The following USP39 variants were observed in gnomAD, a reference collection of about 807,000 sequenced individuals.
The protein encoded by USP39 is ubiquitin carboxyl-terminal hydrolase 39.
In USP39, 38 loss-of-function variants were observed where a neutral mutation model predicts 66.4. The ratio of observed to expected loss-of-function variants is 0.57; its 90% CI spans 0.44 to 0.75. The LOEUF (loss-of-function observed/expected upper bound fraction) is 0.75. Among genes scored for constraint, USP39 ranks in the 30% least tolerant of loss-of-function variants. The pLI, the probability that USP39 is intolerant of heterozygous loss-of-function variation, is 0.00. For missense variants in USP39, 608 were observed against 714.4 expected (o/e 0.85, Z 1.70); for synonymous variants, 303 against 274.6 (o/e 1.10, Z -1.02).
chr2:85,638,698 C>T (rs529259046), intron 8 of USP39, among the ~76,000 whole-genome samples: 13 of 151,964 alleles, frequency 8.6e-5, no homozygotes, highest in Non-Finnish European at 1.9e-4. Flanking sequence ...CCACCACGCC[C>T]GGCTTATTTT....
upstream of USP39, chr2:85,607,610 C>T (rs1466949150): frequency 2.0e-5 from 3 of 152,164 alleles, no homozygotes; most frequent in Non-Finnish European, 4.4e-5. Flanking sequence ...GAAGTAGCTA[C>T]CTTGCAGGAT....
In USP39 at chr2:85,626,863, G is replaced by T. The variant is rs557513114; in HGVS notation, c.723+1172G>T. On this transcript the variant is annotated intron_variant, in intron 5 of 12. Coordinates refer to ENST00000323701, the MANE Select transcript of USP39 (RefSeq NM_006590.4). ...CTCCCGAGTAGCTGGGATTACAGGC[G>T]CCTGCCACTGTGCCTGGCTAAGTTT... 3.8e-3 allele frequency among the ~76,000 whole-genome samples: 575 copies of T among 151,904 alleles called. 5 individuals carry two copies. Among genetic ancestry groups the T allele is most frequent in the African/African-American group, 0.013 (557 of 41,436 alleles).
At chr2:85,624,565 A>G (rs1674707280) in intron 4 of USP39, among the ~76,000 whole-genome samples, 1 of 152,128 alleles carries the variant, frequency 6.6e-6, no homozygotes, top group African/African-American at 2.4e-5. Context: ...TAAGTTGTTC[A>G]TGCTCTGTTT....
In USP39 at chr2:85,630,785, A is replaced by G. The variant is rs762147072; in HGVS notation, c.788A>G (p.Lys263Arg). Residue 263 changes from lysine (K) to arginine (R), a missense_variant, in exon 6 of 13, where the codon AAA becomes AGA. Coordinates refer to ENST00000323701, the MANE Select transcript of USP39 (RefSeq NM_006590.4). ...GAAGAAGACAATTATAAGAACATCA[A>G]ACGTCCTCCAGGGGATATCATGTTC... ...FLEEDNYKNI[K>R]RPPGDIMFLL... 29 of 1,614,048 alleles carry G rather than the reference A, an allele frequency of 1.8e-5. No homozygotes were observed. The highest frequency in any genetic ancestry group is 1.6e-4 in the Middle Eastern group (1 of 6,084).
At chr2:85,647,794 CTCT>C (rs1457582708) in intron 11 of USP39, 133 bp from the exon 12 acceptor site, 5 of 672,132 alleles carry the variant, frequency 7.4e-6, no homozygotes, top group Non-Finnish European at 1.2e-5. Context: ...GTCATGTACC[CTCT>C]TCTTTATGAC....
Position 85,648,817 on chromosome 2 carries a change from T to G in USP39, c.*9T>G, listed in dbSNP as rs762631437. The G allele has an allele frequency of 3.7e-6, 6 of 1,614,036 alleles. No individual in the cohort carries two copies. In the South Asian group the frequency reaches 6.6e-5, roughly 18 times the overall value. On this transcript the variant is annotated 3_prime_UTR_variant, in exon 13 of 13. Coordinates refer to ENST00000323701, the MANE Select transcript of USP39 (RefSeq NM_006590.4). ...ACCAGCAGGGGGCTTGAAGGAGGCG[T>G]CTAGGGCTTTGCTCCCAAGGGCTGT... is the stretch of plus-strand genomic sequence containing the variant.
intron 5 of USP39, among the ~76,000 whole-genome samples, chr2:85,627,477 C>G (rs1674962279): frequency 5.3e-5 from 8 of 151,716 alleles, no homozygotes; most frequent in African/African-American, 1.9e-4. Context: ...TAAACACAGG[C>G]TTATTGGGGA....
intron 4 of USP39, 67 bp downstream of exon 4, chr2:85,623,849 C>G: frequency 1.3e-6 from 2 of 1,495,420 alleles, no homozygotes; most frequent in Admixed American, 2.1e-5. Flanking sequence ...TCCCAGGGGA[C>G]TGCCCCACCT....
upstream of USP39, chr2:85,611,975 C>T: frequency 1.3e-6 from 2 of 1,541,210 alleles, no homozygotes; most frequent in Non-Finnish European, 1.7e-6. Context: ...GGATGCGGCC[C>T]CGCCTCCATC....
intron 1 of USP39, among the ~76,000 whole-genome samples, chr2:85,617,994 T>G (rs1414054632): frequency 1.3e-5 from 2 of 151,380 alleles, no homozygotes; most frequent in African/African-American, 4.9e-5. Context: ...ACTCTTGTTG[T>G]CCAGGCTGGA....
chr2:85,646,916 C>T, intron 11 of USP39, among the ~76,000 whole-genome samples: 1 of 132,830 alleles, frequency 7.5e-6, no homozygotes, highest in East Asian at 2.4e-4. Flanking sequence ...AAGACAGAGT[C>T]TCACCCTATC....
chr2:85,642,298 G>A (rs906981938), intron 10 of USP39, among the ~76,000 whole-genome samples: 1 of 152,216 alleles, frequency 6.6e-6, no homozygotes, highest in South Asian at 2.1e-4. Context: ...GGACATGGAG[G>A]TTTGTTCTCT....
At position 85,648,060 on chromosome 2, in the gene USP39, T is replaced by C. The variant is rs775004046; in HGVS notation, c.1650+44T>C. 5 of 1,603,780 alleles carry C rather than the reference T, an allele frequency of 3.1e-6. No individual in the cohort carries two copies. In the African/African-American group the frequency reaches 5.4e-5, roughly 17 times the overall value. Reference sequence around the variant, plus strand: ...TAGTGAGCCACAAATAGGTGGCGTATGGGGCCAGTGAGAGGAGTGGGCCAA... The same window carrying C: ...TAGTGAGCCACAAATAGGTGGCGTACGGGGCCAGTGAGAGGAGTGGGCCAA... On this transcript the variant is annotated intron_variant, in intron 12 of 12. Transcript: ENST00000323701.
chr2:85,643,684 G>C (rs1317235066), intron 10 of USP39, among the ~76,000 whole-genome samples: 1 of 144,354 alleles, frequency 6.9e-6, no homozygotes, highest in Non-Finnish European at 1.5e-5. Context: ...GTCTCGCTCT[G>C]TTGCCCAGGC....
At chr2:85,606,449 G>A (rs1434992100) in intron 1 of USP39, among the ~76,000 whole-genome samples, 1 of 152,212 alleles carries the variant, frequency 6.6e-6, no homozygotes, top group Non-Finnish European at 1.5e-5. Flanking sequence ...AGTAAGCAAT[G>A]AGGATGGGCT....
intron 6 of USP39, 83 bp from the exon 7 acceptor site, chr2:85,635,970 C>A: frequency 7.5e-7 from 1 of 1,340,752 alleles, no homozygotes; most frequent in Non-Finnish European, 1.1e-6. Context: ...AGGGGGAGAA[C>A]CAGGAATGCC....
At chr2:85,616,001 C>T, upstream of USP39, 1 of 1,189,226 alleles carries the variant, frequency 8.4e-7, no homozygotes, top group Non-Finnish European at 1.1e-6. Flanking sequence ...GACAGTAGGC[C>T]CACAGAAGGT....
intron 6 of USP39, among the ~76,000 whole-genome samples, chr2:85,633,556 G>A (rs953004632): frequency 2.0e-5 from 3 of 152,118 alleles, no homozygotes; most frequent in Admixed American, 6.5e-5. Context: ...GATTGCTTGA[G>A]CCCAGGAGTT....
At chr2:85,640,772 CTTTTTTTTTTT>C (rs962406690) in intron 9 of USP39, among the ~76,000 whole-genome samples, 193 bp from the exon 10 acceptor site, 1,742 of 128,608 alleles carry the variant, frequency 0.014, 39 homozygotes, top group African/African-American at 0.048. Flanking sequence ...CAGGCCCGGC[CTTTTTTTTTTT>C]TTTTTTTTTT....
Sources: gnomAD v4.1 joint callset for allele counts (sites outside exome capture counted in the v4.1 genomes callset) on GRCh38, gnomAD v4.1.1 for gene constraint, MANE v1.5 for transcripts, NCBI Gene and HGNC (gene_info 2026-07-23, HGNC 2026-07-21) for gene names.